GRK2: variants seen among roughly 807,000 people sequenced by gnomAD.
GRK2 encodes the protein adrenergic beta receptor kinase 1.
In GRK2, 23 loss-of-function variants were observed where a neutral mutation model predicts 97.8. That is an observed-to-expected ratio of 0.24 (90% CI 0.17 to 0.33). GRK2 has a LOEUF of 0.33. GRK2 is among the 10% of genes least tolerant of loss of function. The pLI is 1.00. For synonymous variants in GRK2, 425 were observed against 381.7 expected (o/e 1.11, Z -1.32); for missense variants, 633 against 956.9 (o/e 0.66, Z 4.47).
In GRK2 at chr11:67,269,643, T is replaced by A. The variant is rs1859868057; in HGVS notation, c.113+2831T>A. ...ACCGAGGGGCAGCCCCACTCCAGGG[T>A]CCCGTCAGATGCAGGAGCCTGTCTT... On this transcript the variant is annotated intron_variant, in intron 1 of 20. Transcript: ENST00000308595. This position sits in a 1 kb window ranked among gnomAD's most constrained non-coding sequence, Gnocchi z 4.1. Among the ~76,000 whole-genome samples the A allele has an allele frequency of 1.3e-5, 2 of 152,088 alleles. No individual in the cohort carries two copies. The highest frequency in any genetic ancestry group is 2.9e-5 in the Non-Finnish European group (2 of 67,998).
At position 67,285,928 on chromosome 11, in the gene GRK2, C is replaced by T. The variant is rs1008237527; in HGVS notation, c.*478C>T. On this transcript the variant is annotated 3_prime_UTR_variant, in exon 21 of 21. Transcript: ENST00000308595. ...CACAGTGTTGGCGAGAGGAGGGGCC[C>T]GTTGTCTCCCTGGCCCTCAAGGCCT... 23 of 223,324 alleles carry T rather than the reference C, an allele frequency of 1.0e-4. No individual in the cohort carries two copies. The highest frequency in any genetic ancestry group is 5.9e-4 in the Admixed American group (11 of 18,626). The allele number at this position is 223,324 out of a possible 1,614,324, so 13.8% of individuals were successfully genotyped here.
Position 67,285,519 on chromosome 11 carries a change from A to G in GRK2, c.*69A>G. On this transcript the variant is annotated 3_prime_UTR_variant, in exon 21 of 21. Coordinates refer to ENST00000308595, the MANE Select transcript of GRK2 (RefSeq NM_001619.5). ...ATTTTTATTATTTGTTTTCCCGCCAAGCGGAAAAGGTTTTATTTTGTAATT... is the reference window on the plus strand; with the variant it reads ...ATTTTTATTATTTGTTTTCCCGCCAGGCGGAAAAGGTTTTATTTTGTAATT... 1 of 1,450,586 alleles carries G rather than the reference A, an allele frequency of 6.9e-7. No homozygotes were observed. The highest frequency in any genetic ancestry group is 9.1e-7 in the Non-Finnish European group (1 of 1,099,980). 89.9% of individuals were successfully genotyped at this position (1,450,586 alleles called of 1,614,324 possible). A position where few individuals can be genotyped will look rare whatever the true frequency, so the allele number is the denominator to read the frequency against.
Position 67,266,785 on chromosome 11 carries a change from G to T in GRK2, c.86G>T (p.Ser29Ile). 7.4e-7 allele frequency: 1 copy of T among 1,360,302 alleles called. No homozygotes were observed. The highest frequency in any genetic ancestry group is 9.6e-7 in the Non-Finnish European group (1 of 1,042,708). 84.3% of individuals were successfully genotyped at this position (1,360,302 alleles called of 1,614,324 possible). A position where few individuals can be genotyped will look rare whatever the true frequency, so the allele number is the denominator to read the frequency against. Residue 29 changes from serine (S) to isoleucine (I), a missense_variant, in exon 1 of 21, where the codon AGC becomes ATC. By Grantham distance (142) the Ser-to-Ile change is moderately radical. Transcript: ENST00000308595. ...AAGGCCACGCCGGCCGCGCGCGCCA[G>T]CAAGAAGATCCTGCTGCCCGAGCCC... Reference protein sequence around the residue: ...KSKATPAARASKKILLPEPSI... With the variant: ...KSKATPAARAIKKILLPEPSI...
chr11:67,281,859 C>G lies in GRK2; in HGVS notation c.864C>G (p.Val288=), dbSNP rs150930474. 1.8e-5 allele frequency: 29 copies of G among 1,613,612 alleles called. No individual in the cohort carries two copies. The highest frequency in any genetic ancestry group is 5.5e-5 in the South Asian group (5 of 91,088). Residue 288 remains valine (V), a synonymous_variant, in exon 11 of 21, where the codon GTC becomes GTG. Coordinates refer to ENST00000308595, the MANE Select transcript of GRK2 (RefSeq NM_001619.5). The surrounding 1 kb of genome is among the most constrained non-coding windows in gnomAD (Gnocchi z 5.7). ...ACTACCACCTCTCCCAGCACGGGGTCTTCTCAGAGGCTGACATGCGCTTCT... is the reference window on the plus strand; with the variant it reads ...ACTACCACCTCTCCCAGCACGGGGTGTTCTCAGAGGCTGACATGCGCTTCT... ...DLHYHLSQHG[V]FSEADMRFYA...
chr11:67,284,785 G>A (rs1425468088), intron 18 of GRK2, 62 bp from the exon 19 acceptor site: 7 of 1,572,788 alleles, frequency 4.5e-6, no homozygotes, highest in Non-Finnish European at 4.3e-6. Flanking sequence ...TGGAGACCCT[G>A]TCTCAAAACA....
chr11:67,271,084 A>G lies in GRK2; in HGVS notation c.113+4272A>G, dbSNP rs1036219452. On this transcript the variant is annotated intron_variant, in intron 1 of 20. Coordinates refer to ENST00000308595, the MANE Select transcript of GRK2 (RefSeq NM_001619.5). ...CGCGCTTGGCTGTTGCTTTCAGGGT[A>G]TGCTCTTGCCTCGGAACACACAGTG... 7 of 152,202 alleles carry G rather than the reference A, an allele frequency of 4.6e-5. No homozygotes were observed. The East Asian group carries it at 5.8e-4, about 13-fold the overall frequency. The allele number at this position is 152,202 out of a possible 1,614,324, so 9.4% of individuals were successfully genotyped here.
Position 67,282,075 on chromosome 11 carries a change from T to C in GRK2, c.957+123T>C. Reference sequence around the variant, plus strand: ...GACATGGCCGCCCCGTATCTTCCCATCTCCGCCCCTGCCCTTCCCACCGAG... The same window carrying C: ...GACATGGCCGCCCCGTATCTTCCCACCTCCGCCCCTGCCCTTCCCACCGAG... On this transcript the variant is annotated intron_variant, in intron 11 of 20. Transcript: ENST00000308595. The surrounding 1 kb of genome is among the most constrained non-coding windows in gnomAD (Gnocchi z 6.9). 7.4e-7 allele frequency: 1 copy of C among 1,355,054 alleles called. No individual in the cohort carries two copies. 83.9% of individuals were successfully genotyped at this position (1,355,054 alleles called of 1,614,324 possible).
At chr11:67,267,394 G>C (rs1590843725) in intron 1 of GRK2, among the ~76,000 whole-genome samples, 1 of 152,232 alleles carries the variant, frequency 6.6e-6, no homozygotes, top group African/African-American at 2.4e-5. Context: ...CCACCCTCTG[G>C]TGGGGTCGCT....
In GRK2 at chr11:67,282,638, C is replaced by A. The variant is rs1860179677; in HGVS notation, c.1160+96C>A. 1.9e-6 allele frequency: 3 copies of A among 1,557,826 alleles called. No homozygotes were observed. The highest frequency in any genetic ancestry group is 1.1e-5 in the South Asian group (1 of 87,762). On this transcript the variant is annotated intron_variant, in intron 13 of 20. Transcript: ENST00000308595. This position sits in a 1 kb window ranked among gnomAD's most constrained non-coding sequence, Gnocchi z 6.9. Reference sequence around the variant, plus strand: ...GCCAAAGGAGGGGAGCCCATAGCTGCCTTGGTGGTAGGGTTGGCACCGTCC... The same window carrying A: ...GCCAAAGGAGGGGAGCCCATAGCTGACTTGGTGGTAGGGTTGGCACCGTCC...
In GRK2 at chr11:67,266,786, C is replaced by G; in HGVS notation, c.87C>G (p.Ser29Arg). ...AGGCCACGCCGGCCGCGCGCGCCAG[C>G]AAGAAGATCCTGCTGCCCGAGCCCA... is the stretch of plus-strand genomic sequence containing the variant. ...KSKATPAARA[S>R]KKILLPEPSI... Residue 29 changes from serine (S) to arginine (R), a missense_variant, in exon 1 of 21, where the codon AGC becomes AGG. Coordinates refer to ENST00000308595, the MANE Select transcript of GRK2 (RefSeq NM_001619.5). 7.4e-7 allele frequency: 1 copy of G among 1,359,902 alleles called. No homozygotes were observed. The allele number at this position is 1,359,902 out of a possible 1,614,324, so 84.2% of individuals were successfully genotyped here.
rs1385951217 is a variant in GRK2 at position 67,277,377 on chromosome 11, C to T, written c.190+29C>T. 3 of 1,602,722 alleles carry T rather than the reference C, an allele frequency of 1.9e-6. No individual in the cohort carries two copies. In the African/African-American group the frequency reaches 4.0e-5, roughly 21 times the overall value. ...AGTATGGCAGTGGCTCTGCCAGCCA[C>T]CGGACTTAACTTCTTGCCCCTACCC... On this transcript the variant is annotated intron_variant, in intron 2 of 20. Coordinates refer to ENST00000308595, the MANE Select transcript of GRK2 (RefSeq NM_001619.5).
chr11:67,280,787 A>C lies in GRK2; in HGVS notation c.555+4A>C. 1 of 1,613,878 alleles carries C rather than the reference A, an allele frequency of 6.2e-7. No individual in the cohort carries two copies. Among genetic ancestry groups the C allele is most frequent in the Non-Finnish European group, 8.5e-7 (1 of 1,179,928 alleles). ...GAATGTGGAGCTCAACATCCACGTG[A>C]GTGGGCTTGGGTGGGGCATGGAAAG... On this transcript the variant is annotated splice_donor_region_variant and intron_variant, in intron 7 of 20. Transcript: ENST00000308595.
At chr11:67,268,751 A>G (rs1195435409) in intron 1 of GRK2, among the ~76,000 whole-genome samples, 1 of 152,204 alleles carries the variant, frequency 6.6e-6, no homozygotes, top group African/African-American at 2.4e-5. Context: ...GGTGATAGCA[A>G]TAATGATAGG....
rs189860479 is a variant in GRK2 at position 67,268,375 on chromosome 11, T to C, written c.113+1563T>C. 2.9e-4 allele frequency among the ~76,000 whole-genome samples: 44 copies of C among 152,184 alleles called. No homozygotes were observed. In the East Asian group the frequency reaches 4.2e-3, roughly 15 times the overall value. Reference sequence around the variant, plus strand: ...TTAGGGCCTTTTTTTTTCTAAGACATTTGCAATCAGATTTCTCAAAACAGG... The same window carrying C: ...TTAGGGCCTTTTTTTTTCTAAGACACTTGCAATCAGATTTCTCAAAACAGG... On this transcript the variant is annotated intron_variant, in intron 1 of 20. Coordinates refer to ENST00000308595, the MANE Select transcript of GRK2 (RefSeq NM_001619.5).
intron 1 of GRK2, among the ~76,000 whole-genome samples, chr11:67,273,527 G>A (rs1414341131): frequency 6.6e-6 from 1 of 151,938 alleles, no homozygotes; most frequent in Non-Finnish European, 1.5e-5. Context: ...GCTGCCCCCA[G>A]TGGCAAGTTC....
In GRK2 at chr11:67,285,720, G is replaced by A. The variant is rs1411510936; in HGVS notation, c.*270G>A. The A allele has an allele frequency of 1.9e-5, 9 of 483,924 alleles. No individual in the cohort carries two copies. Among genetic ancestry groups the A allele is most frequent in the Admixed American group, 3.9e-5 (1 of 25,528 alleles). 30.0% of individuals were successfully genotyped at this position (483,924 alleles called of 1,614,324 possible). Reference sequence around the variant, plus strand: ...AGCACAGCCCTCCCGCCCCTTCCCCGAGGGATGATGCCACACCAAGCTGTG... The same window carrying A: ...AGCACAGCCCTCCCGCCCCTTCCCCAAGGGATGATGCCACACCAAGCTGTG... On this transcript the variant is annotated 3_prime_UTR_variant, in exon 21 of 21. Coordinates refer to ENST00000308595, the MANE Select transcript of GRK2 (RefSeq NM_001619.5).
intron 2 of GRK2, among the ~76,000 whole-genome samples, chr11:67,277,946 CAG>C (rs549035749): frequency 5.3e-4 from 80 of 152,350 alleles, no homozygotes; most frequent in African/African-American, 1.8e-3. Flanking sequence ...CAGCTCTGGA[CAG>C]GGGGTATCCT....
rs1046543666 is a variant in GRK2, at chr11:67,285,132, C to T, written c.1849C>T (p.Arg617Cys). The T allele has an allele frequency of 2.5e-6, 4 of 1,613,478 alleles. No homozygotes were observed. The highest frequency in any genetic ancestry group is 3.4e-6 in the Non-Finnish European group (4 of 1,179,960). The stretch of plus-strand genomic sequence containing the variant: ...GGTGGAGGAGACGCAGATCAAGGAG[C>T]GCAAGTGCCTGCTCCTCAAGATCCG... The part of the protein sequence containing the change: ...QSVEETQIKE[R>C]KCLLLKIRGG... Residue 617 changes from arginine to cysteine, a missense_variant, in exon 20 of 21, where the codon CGC becomes TGC. Transcript: ENST00000308595.
At chr11:67,267,037 G>A (rs1413931980) in intron 1 of GRK2, among the ~76,000 whole-genome samples, 2 of 151,938 alleles carry the variant, frequency 1.3e-5, no homozygotes, top group African/African-American at 2.4e-5. Context: ...CAACTCCGGA[G>A]CTCCTCTGCC....
Sources: allele counts gnomAD v4.1 joint callset (sites outside exome capture counted in the v4.1 genomes callset), GRCh38; gene constraint gnomAD v4.1.1; non-coding constraint Gnocchi (gnomAD v3.1); transcripts MANE v1.5; gene names NCBI Gene and HGNC (gene_info 2026-07-23, HGNC 2026-07-21).